Variants in SPHKAP observed in about 807,000 individuals in gnomAD.
SPHKAP encodes A-kinase anchor protein SPHKAP.
A neutral mutation model predicts 137.5 loss-of-function variants in SPHKAP; 67 were observed. The observed-to-expected ratio is 0.49, with a 90% CI of 0.40 to 0.60. The LOEUF (loss-of-function observed/expected upper bound fraction) is 0.60. Ranked by LOEUF, SPHKAP falls within the 20% of genes least tolerant of loss-of-function variation. The probability of loss-of-function intolerance (pLI) is 0.00; values close to 1 mark genes in which losing one functional copy is unlikely to be tolerated. For missense variants in SPHKAP, 2,097 were observed against 2,069.3 expected, an observed-to-expected ratio of 1.01 and a Z score of -0.26; for synonymous variants, 813 against 785.3, an observed-to-expected ratio of 1.04 and a Z score of -0.59.
chr2:228,030,063 T>C (rs1436815013), intron 3 of SPHKAP, among the ~76,000 whole-genome samples: 1 of 152,146 alleles, frequency 6.6e-6, no homozygotes, highest in Non-Finnish European at 1.5e-5. Context: ...GAGGACACTC[T>C]CCACATTTGC....
At chr2:228,028,144 C>T (rs1369365468) in intron 3 of SPHKAP, 6 of 784,688 alleles carry the variant, frequency 7.6e-6, no homozygotes, top group Non-Finnish European at 9.3e-6. Flanking sequence ...ACAACAAAAT[C>T]TTCAAGTTTA....
intron 3 of SPHKAP, among the ~76,000 whole-genome samples, chr2:228,097,251 A>G (rs1398368111): frequency 6.6e-6 from 1 of 152,236 alleles, no homozygotes; most frequent in African/African-American, 2.4e-5. Context: ...AGCTATTTTA[A>G]TAATGTACTC....
intron 3 of SPHKAP, among the ~76,000 whole-genome samples, chr2:228,073,828 A>G (rs1697085158): frequency 6.6e-6 from 1 of 152,036 alleles, no homozygotes; most frequent in Non-Finnish European, 1.5e-5. Flanking sequence ...AGTGATTTTG[A>G]TTATGTTACA....
intron 1 of SPHKAP, among the ~76,000 whole-genome samples, chr2:228,157,004 G>A (rs1015432932): frequency 1.2e-4 from 18 of 152,114 alleles, no homozygotes; most frequent in African/African-American, 4.3e-4. Flanking sequence ...AGCAAGCACA[G>A]TGCAAGGAGC....
At chr2:228,091,120 G>A (rs1167607397) in intron 3 of SPHKAP, among the ~76,000 whole-genome samples, 1 of 152,132 alleles carries the variant, frequency 6.6e-6, no homozygotes, top group Non-Finnish European at 1.5e-5. Flanking sequence ...AGACACAGTG[G>A]AGTTTGAAGG....
rs1255951798 is a variant in SPHKAP, at chr2:228,154,510, C to CTATATATATATA, written c.33-22426_33-22425insTATATATATATA. Among the ~76,000 whole-genome samples, 154 of 37,474 alleles carry CTATATATATATA rather than the reference C, an allele frequency of 4.1e-3. 1 individual carries two copies. Among genetic ancestry groups the CTATATATATATA allele is most frequent in the East Asian group, 7.9e-3 (6 of 762 alleles). The allele number at this position is 37,474 out of a possible 152,430, so 24.6% of individuals were successfully genotyped here. A position where few individuals can be genotyped will look rare whatever the true frequency, so the allele number is the denominator to read the frequency against. ...TCTCTCTCTCTCTCTCTCTCTCTCT[C>CTATATATATATA]TCTATATATATATATATATATATTT... On this transcript the variant is annotated intron_variant, in intron 1 of 11. Transcript: ENST00000392056.
chr2:227,991,908 C>G (rs1049031552), intron 9 of SPHKAP: 7 of 215,920 alleles, frequency 3.2e-5, no homozygotes, highest in Admixed American at 2.0e-4. Context: ...TTTTCTTTTT[C>G]TTTCTTCTTA....
intron 3 of SPHKAP, among the ~76,000 whole-genome samples, chr2:228,092,309 ATG>A (rs546306062): frequency 3.0e-5 from 3 of 99,914 alleles, no homozygotes; most frequent in African/African-American, 1.1e-4. Context: ...ACACACGTGT[ATG>A]TGTGTGTATA....
At chr2:228,154,905 A>G (rs1317193588) in intron 1 of SPHKAP, among the ~76,000 whole-genome samples, 1 of 151,768 alleles carries the variant, frequency 6.6e-6, no homozygotes. Context: ...AAGGGTTATT[A>G]TTTAACTCAC....
At chr2:228,153,220 C>T (rs571816142) in intron 1 of SPHKAP, among the ~76,000 whole-genome samples, 37 of 152,302 alleles carry the variant, frequency 2.4e-4, no homozygotes, top group African/African-American at 2.4e-4. Context: ...TCCTAACTTA[C>T]ATTATTGCCT....
At chr2:228,097,945 C>T (rs919502952) in intron 3 of SPHKAP, among the ~76,000 whole-genome samples, 6 of 152,202 alleles carry the variant, frequency 3.9e-5, no homozygotes, top group Middle Eastern at 3.4e-3. Context: ...GATGAAGAGA[C>T]GAGTACATGT....
chr2:228,081,052 GA>G (rs539415838), intron 3 of SPHKAP, among the ~76,000 whole-genome samples: 27 of 151,000 alleles, frequency 1.8e-4, no homozygotes, highest in African/African-American at 6.1e-4. Context: ...CTGCCAAAAG[GA>G]AAAAAAAATA....
intron 1 of SPHKAP, among the ~76,000 whole-genome samples, chr2:228,140,700 G>C (rs1246451246): frequency 2.0e-5 from 3 of 152,072 alleles, no homozygotes; most frequent in African/African-American, 2.4e-5. Flanking sequence ...TGGATCATGG[G>C]GGGGTGGATT....
At position 228,112,443 on chromosome 2, in the gene SPHKAP, A is replaced by G. The variant is rs1698549472; in HGVS notation, c.139-3504T>C. ...TAGGACACATAATACCATGGTTACA[A>G]CAAAATATTTCAACAGAGAAAAGCA... On this transcript the variant is annotated intron_variant, in intron 2 of 11. Coordinates refer to ENST00000392056, the MANE Select transcript of SPHKAP (RefSeq NM_001142644.2). Among the ~76,000 whole-genome samples the G allele has an allele frequency of 3.3e-5, 5 of 152,202 alleles. No individual in the cohort carries two copies. The South Asian group carries it at 1.0e-3, about 31-fold the overall frequency.
In SPHKAP at chr2:227,995,667, T is replaced by C. The variant is rs1192405703; in HGVS notation, c.4476A>G (p.Pro1492=). The C allele has an allele frequency of 4.4e-6, 7 of 1,608,788 alleles. No individual in the cohort carries two copies. The Admixed American group carries it at 1.0e-4, about 23-fold the overall frequency. The stretch of plus-strand genomic sequence containing the variant: ...TGGCTTCTGTGGAGGCTTCAGCCTC[T>C]GGTACATCTCTGGTATCAAGGCTGT... ...HSDSLDTRDV[P]EAEASTEARA... Residue 1492 remains proline, a synonymous_variant, in exon 8 of 12, where the codon CCA becomes CCG. Transcript: ENST00000392056.
At chr2:228,159,422 T>A (rs1700209344) in intron 1 of SPHKAP, among the ~76,000 whole-genome samples, 1 of 152,074 alleles carries the variant, frequency 6.6e-6, no homozygotes, top group Admixed American at 6.6e-5. Flanking sequence ...AGGAGGGGCT[T>A]GCAAAACTGC....
intron 1 of SPHKAP, among the ~76,000 whole-genome samples, chr2:228,161,129 A>G (rs1233203993): frequency 6.6e-6 from 1 of 152,226 alleles, no homozygotes; most frequent in Non-Finnish European, 1.5e-5. Context: ...GATTTGACTT[A>G]GTAAAGGAAG....
At chr2:228,104,726 A>C (rs1177841870) in intron 3 of SPHKAP, among the ~76,000 whole-genome samples, 3 of 152,148 alleles carry the variant, frequency 2.0e-5, no homozygotes, top group Admixed American at 1.3e-4. Flanking sequence ...TGATTCATCA[A>C]TTAAAGTGCA....
chr2:228,069,970 G>A (rs1486600562), intron 3 of SPHKAP, among the ~76,000 whole-genome samples: 8 of 152,172 alleles, frequency 5.3e-5, no homozygotes, highest in Non-Finnish European at 8.8e-5. Flanking sequence ...TCAGGAACAC[G>A]TGATTGGGCA....
Sources: allele counts gnomAD v4.1 joint callset (sites outside exome capture counted in the v4.1 genomes callset), GRCh38; gene constraint gnomAD v4.1.1; transcripts MANE v1.5; gene names NCBI Gene and HGNC (gene_info 2026-07-23, HGNC 2026-07-21).